ROBO1: variants seen among roughly 807,000 people sequenced by gnomAD.
ROBO1 encodes the protein roundabout homolog 1.
Under a neutral mutation model 195.9 loss-of-function variants are expected in ROBO1, and 149 were observed. That is an observed-to-expected ratio of 0.76 (90% CI 0.67 to 0.87). ROBO1 has a LOEUF of 0.87. Ranked by LOEUF, ROBO1 falls within the 40% of genes least tolerant of loss-of-function variation. ROBO1 has a pLI of 0.00. For missense variants in ROBO1, 1,933 were observed against 2,068.3 expected (o/e 0.93, Z 1.27); for synonymous variants, 816 against 733.2 (o/e 1.11, Z -1.82).
intron 2 of ROBO1, among the ~76,000 whole-genome samples, chr3:79,176,065 A>G (rs2108715658): frequency 6.6e-6 from 1 of 152,302 alleles, no homozygotes; most frequent in East Asian, 1.9e-4. Flanking sequence ...ATATCTAAAG[A>G]ACAGTGAAAA....
chr3:79,652,453 C>G (rs1473591953), intron 1 of ROBO1, among the ~76,000 whole-genome samples: 1 of 152,034 alleles, frequency 6.6e-6, no homozygotes, highest in Non-Finnish European at 1.5e-5. Context: ...TAAAATCATT[C>G]AGATGAAAGT....
chr3:78,759,848 A>G (rs189576602), intron 4 of ROBO1, among the ~76,000 whole-genome samples: 3 of 151,628 alleles, frequency 2.0e-5, no homozygotes, highest in African/African-American at 7.3e-5. Context: ...CGTAAAAAAT[A>G]TGCAAAAATG....
chr3:79,042,595 A>G (rs956602918), intron 3 of ROBO1, among the ~76,000 whole-genome samples: 5 of 151,760 alleles, frequency 3.3e-5, no homozygotes, highest in Admixed American at 6.5e-5. Flanking sequence ...AGATGATATC[A>G]TATTTCTAAA....
intron 1 of ROBO1, among the ~76,000 whole-genome samples, chr3:79,683,050 T>C (rs1274139149): frequency 2.0e-5 from 3 of 152,082 alleles, no homozygotes; most frequent in African/African-American, 7.2e-5. Flanking sequence ...AACAATATCT[T>C]GTAGTATTAT....
At chr3:79,020,708 A>G (rs2108272000) in intron 3 of ROBO1, among the ~76,000 whole-genome samples, 1 of 152,282 alleles carries the variant, frequency 6.6e-6, no homozygotes, top group East Asian at 1.9e-4. Flanking sequence ...AAATAAATAA[A>G]TAAATAAAAA....
At chr3:79,344,673 G>T (rs1393922541) in intron 2 of ROBO1, among the ~76,000 whole-genome samples, 1 of 151,956 alleles carries the variant, frequency 6.6e-6, no homozygotes. Flanking sequence ...GTTAGGATAG[G>T]TATGAGGAAG....
At chr3:79,337,511 A>G (rs1292770607) in intron 2 of ROBO1, among the ~76,000 whole-genome samples, 3 of 152,082 alleles carry the variant, frequency 2.0e-5, no homozygotes. Flanking sequence ...CCCTTCTGCA[A>G]TGATTGTAAG....
chr3:79,667,971 A>G lies in ROBO1; in HGVS notation c.-50-78010T>C, dbSNP rs528111998. Reference sequence around the variant, plus strand: ...TAGGAATTAAGACATACTGCCTTTTAGTCCTTGTAGCTCTCAATTACAATC... The same window carrying G: ...TAGGAATTAAGACATACTGCCTTTTGGTCCTTGTAGCTCTCAATTACAATC... On this transcript the variant is annotated intron_variant, in intron 1 of 30. Coordinates refer to ENST00000464233, the MANE Select transcript of ROBO1 (RefSeq NM_002941.4). 5.9e-4 allele frequency among the ~76,000 whole-genome samples: 90 copies of G among 151,928 alleles called. 1 individual carries two copies. In the South Asian group the frequency reaches 8.7e-3, roughly 15 times the overall value.
intron 8 of ROBO1, among the ~76,000 whole-genome samples, chr3:78,711,642 C>T (rs922185013): frequency 9.4e-5 from 13 of 138,670 alleles, no homozygotes; most frequent in African/African-American, 1.4e-4. Context: ...CATGCCACCA[C>T]GCCCAGCTAA....
At chr3:78,859,603 T>G (rs936166733) in intron 4 of ROBO1, among the ~76,000 whole-genome samples, 2 of 152,142 alleles carry the variant, frequency 1.3e-5, no homozygotes, top group Non-Finnish European at 2.9e-5. Flanking sequence ...GCCAAAGTGT[T>G]GAAGGTGTCA....
chr3:78,728,217 G>A (rs986500077), intron 5 of ROBO1, among the ~76,000 whole-genome samples: 14 of 152,106 alleles, frequency 9.2e-5, no homozygotes, highest in Admixed American at 2.6e-4. Context: ...GGAGGAGAAG[G>A]AAAAGGAGGA....
intron 2 of ROBO1, among the ~76,000 whole-genome samples, chr3:79,364,199 C>T (rs1447985119): frequency 2.0e-5 from 3 of 148,860 alleles, no homozygotes; most frequent in African/African-American, 7.5e-5. Flanking sequence ...AGCGAGACTC[C>T]GTCAAAAACA....
At chr3:79,648,125 A>T (rs1288148940) in intron 1 of ROBO1, among the ~76,000 whole-genome samples, 7 of 152,112 alleles carry the variant, frequency 4.6e-5, no homozygotes, top group African/African-American at 1.7e-4. Context: ...ATACCCATAC[A>T]TTATAAGGTC....
intron 27 of ROBO1, among the ~76,000 whole-genome samples, chr3:78,616,128 AG>A (rs1322072892): frequency 1.3e-5 from 2 of 152,140 alleles, no homozygotes; most frequent in East Asian, 3.9e-4. Flanking sequence ...ACAGACTCTG[AG>A]CTATAAGGTT....
At chr3:78,845,945 C>T (rs1003346173) in intron 4 of ROBO1, among the ~76,000 whole-genome samples, 9 of 152,070 alleles carry the variant, frequency 5.9e-5, no homozygotes, top group Non-Finnish European at 1.3e-4. Context: ...TTCCCTACTT[C>T]GCTGGTTTGT....
chr3:79,199,134 G>A (rs1176769308), intron 2 of ROBO1, among the ~76,000 whole-genome samples: 1 of 151,530 alleles, frequency 6.6e-6, no homozygotes, highest in Non-Finnish European at 1.5e-5. Context: ...CTTTTACATA[G>A]ATATGTGACA....
At chr3:79,063,478 T>A (rs1255184033) in intron 3 of ROBO1, among the ~76,000 whole-genome samples, 2 of 145,122 alleles carry the variant, frequency 1.4e-5, no homozygotes, top group African/African-American at 5.1e-5. Context: ...TTGTTCTTAA[T>A]CTCATTCCAA....
chr3:78,907,187 T>A (rs998088543), intron 4 of ROBO1, among the ~76,000 whole-genome samples: 1 of 152,088 alleles, frequency 6.6e-6, no homozygotes, highest in Non-Finnish European at 1.5e-5. Context: ...TAAAATCTAC[T>A]GTTCTGTGTT....
intron 5 of ROBO1, among the ~76,000 whole-genome samples, chr3:78,742,033 G>T (rs1209578061): frequency 1.3e-5 from 2 of 151,920 alleles, no homozygotes; most frequent in Non-Finnish European, 2.9e-5. Flanking sequence ...AATGAATTAA[G>T]AACTTAAAAA....
Sources: gnomAD v4.1 joint callset for allele counts (sites outside exome capture counted in the v4.1 genomes callset) on GRCh38, gnomAD v4.1.1 for gene constraint, MANE v1.5 for transcripts, NCBI Gene and HGNC (gene_info 2026-07-23, HGNC 2026-07-21) for gene names.